Variants in KIF13B observed in about 807,000 individuals in gnomAD.
KIF13B encodes kinesin family member 13B.
In KIF13B, 127 loss-of-function variants were observed where a neutral mutation model predicts 222.0. That is an observed-to-expected ratio of 0.57 (90% CI 0.50 to 0.66). The LOEUF is 0.66. KIF13B is among the 30% of genes least tolerant of loss of function. KIF13B has a pLI of 0.00. For missense variants in KIF13B, 2,173 were observed against 2,379.0 expected (o/e 0.91, Z 1.80); for synonymous variants, 976 against 919.0 (o/e 1.06, Z -1.12).
chr8:29,178,553 A>G (rs1812577869), intron 8 of KIF13B, among the ~76,000 whole-genome samples: 2 of 151,978 alleles, frequency 1.3e-5, no homozygotes, highest in Admixed American at 1.3e-4. Flanking sequence ...AGACTGAATC[A>G]TTTTTAAAGC....
chr8:29,162,677 AGGCACAATGGT>A (rs1340908155), intron 12 of KIF13B, among the ~76,000 whole-genome samples: 1 of 152,254 alleles, frequency 6.6e-6, no homozygotes, highest in African/African-American at 2.4e-5. Context: ...AAGCCGAAAG[AGGCACAATGGT>A]GGAAAACTGT....
chr8:29,247,120 C>A (rs1816060302), intron 1 of KIF13B, among the ~76,000 whole-genome samples: 1 of 152,148 alleles, frequency 6.6e-6, no homozygotes, highest in Non-Finnish European at 1.5e-5. Flanking sequence ...CATGGTGGCT[C>A]ATGCCCGTAA....
At chr8:29,223,807 T>C (rs1372755912) in intron 2 of KIF13B, among the ~76,000 whole-genome samples, 1 of 151,964 alleles carries the variant, frequency 6.6e-6, no homozygotes, top group African/African-American at 2.4e-5. Flanking sequence ...TTCTCCTGCC[T>C]CAGCCTTCCG....
At position 29,200,650 on chromosome 8, in the gene KIF13B, A is replaced by G. The variant is rs376577196; in HGVS notation, c.150-4451T>C. Among the ~76,000 whole-genome samples the G allele has an allele frequency of 2.5e-3, 380 of 152,044 alleles. 5 individuals are homozygous for G. The highest frequency in any genetic ancestry group is 8.7e-3 in the African/African-American group (359 of 41,452). On this transcript the variant is annotated intron_variant, in intron 2 of 39. Transcript: ENST00000524189. The stretch of plus-strand genomic sequence containing the variant: ...CAGTTTATTAAATAACCTATAGACA[A>G]CCTCCTCCAAATTTTGCCAATTACC...
At chr8:29,134,288 G>A in intron 21 of KIF13B, 78 bp from the exon 22 acceptor site, 2 of 1,365,422 alleles carry the variant, frequency 1.5e-6, no homozygotes, top group African/African-American at 1.4e-5. Context: ...TCCAGCCCCG[G>A]CTCTGTCACT....
At chr8:29,147,854 C>T (rs781387935) in intron 16 of KIF13B, among the ~76,000 whole-genome samples, 22 of 152,144 alleles carry the variant, frequency 1.4e-4, no homozygotes, top group Non-Finnish European at 2.8e-4. Flanking sequence ...TAAGACATGG[C>T]GAATCCTCCA....
At chr8:29,216,790 G>A (rs373729474) in intron 2 of KIF13B, among the ~76,000 whole-genome samples, 117 of 152,142 alleles carry the variant, frequency 7.7e-4, no homozygotes, top group African/African-American at 2.7e-3. Context: ...TTCAAATAAA[G>A]TGGGCAGCCT....
chr8:29,245,000 G>A (rs561001637), intron 2 of KIF13B, among the ~76,000 whole-genome samples: 1 of 152,276 alleles, frequency 6.6e-6, no homozygotes, highest in African/African-American at 2.4e-5. Context: ...CATTTGAACT[G>A]GCAGAAGTAA....
intron 18 of KIF13B, among the ~76,000 whole-genome samples, chr8:29,143,093 A>G (rs6998704): frequency 0.37 from 56,217 of 151,964 alleles, 11,238 homozygotes; most frequent in Non-Finnish European, 0.45. Context: ...GCCTCAAGTG[A>G]TCCCCCTGCT....
chr8:29,177,175 G>C (rs370671574), intron 9 of KIF13B, among the ~76,000 whole-genome samples: 1 of 151,774 alleles, frequency 6.6e-6, no homozygotes, highest in East Asian at 2.0e-4. Context: ...ATCTAGTGGG[G>C]AGAAGCCAGG....
At chr8:29,141,037 G>T (rs561536248) in intron 19 of KIF13B, among the ~76,000 whole-genome samples, 84 of 152,278 alleles carry the variant, frequency 5.5e-4, no homozygotes, top group African/African-American at 2.0e-3. Flanking sequence ...CAAGTCATCA[G>T]ATAAAACTGC....
intron 21 of KIF13B, among the ~76,000 whole-genome samples, chr8:29,137,134 C>T (rs972856760): frequency 2.0e-5 from 3 of 152,136 alleles, no homozygotes; most frequent in Admixed American, 2.0e-4. Context: ...ATGTTCAATA[C>T]ATACTTCTTA....
rs58488862 is a variant in KIF13B, at chr8:29,222,515, C to CTTT, written c.149+22828_149+22830dup. ...TCCTGAGCTCAAGTCCCACACCTGACTTTTTTTTTTTTTTTTTTTTTTTTT... is the reference window on the plus strand; with the variant it reads ...TCCTGAGCTCAAGTCCCACACCTGACTTTTTTTTTTTTTTTTTTTTTTTTTTTT... On this transcript the variant is annotated intron_variant, in intron 2 of 39. Coordinates refer to ENST00000524189, the MANE Select transcript of KIF13B (RefSeq NM_015254.4). Among the ~76,000 whole-genome samples the CTTT allele has an allele frequency of 3.1e-4, 19 of 60,592 alleles. 4 individuals carry two copies. Among genetic ancestry groups the CTTT allele is most frequent in the East Asian group, 1.1e-3 (1 of 950 alleles). 39.8% of individuals were successfully genotyped at this position (60,592 alleles called of 152,430 possible). A position where few individuals can be genotyped will look rare whatever the true frequency, so the allele number is the denominator to read the frequency against.
intron 12 of KIF13B, among the ~76,000 whole-genome samples, chr8:29,163,486 C>T (rs931571424): frequency 6.6e-6 from 1 of 152,106 alleles, no homozygotes; most frequent in African/African-American, 2.4e-5. Flanking sequence ...TCAGTTTGCC[C>T]GGAAATTGCC....
chr8:29,088,303 C>T (rs746781228), intron 37 of KIF13B, among the ~76,000 whole-genome samples: 11 of 152,108 alleles, frequency 7.2e-5, no homozygotes, highest in Non-Finnish European at 1.2e-4. Flanking sequence ...CTGTAATACT[C>T]ACTTCATCCA....
chr8:29,255,680 C>T (rs1339362765), intron 1 of KIF13B, among the ~76,000 whole-genome samples: 4 of 152,114 alleles, frequency 2.6e-5, no homozygotes, highest in South Asian at 2.1e-4. Flanking sequence ...CATACTGGCA[C>T]GCCCACTCAC....
chr8:29,216,343 T>C (rs1345272380), intron 2 of KIF13B, among the ~76,000 whole-genome samples: 2 of 152,192 alleles, frequency 1.3e-5, no homozygotes, highest in African/African-American at 4.8e-5. Flanking sequence ...ATGCCTGTAA[T>C]CCTAGCACTT....
At chr8:29,148,836 C>T in intron 15 of KIF13B, 69 bp from the exon 16 acceptor site, 1 of 1,317,342 alleles carries the variant, frequency 7.6e-7, no homozygotes, top group Non-Finnish European at 1.0e-6. Context: ...TCATTAAGTA[C>T]TGGTATCTGT....
At chr8:29,148,373 A>C (rs1586843335) in intron 16 of KIF13B, among the ~76,000 whole-genome samples, 7 of 151,664 alleles carry the variant, frequency 4.6e-5, no homozygotes, top group African/African-American at 1.2e-4. Context: ...GAAAGTCCCC[A>C]ATCATAAACA....
Sources: gnomAD v4.1 joint callset for allele counts (sites outside exome capture counted in the v4.1 genomes callset) on GRCh38, gnomAD v4.1.1 for gene constraint, MANE v1.5 for transcripts, NCBI Gene and HGNC (gene_info 2026-07-23, HGNC 2026-07-21) for gene names.